Variants in MAD1L1 observed in about 807,000 individuals in gnomAD.
MAD1L1 encodes the protein mitotic spindle assembly checkpoint protein MAD1.
A neutral mutation model predicts 96.9 loss-of-function variants in MAD1L1; 95 were observed. That is an observed-to-expected ratio of 0.98 (90% confidence interval 0.83 to 1.16). MAD1L1 has a LOEUF of 1.16. MAD1L1 is among the 50% of genes most tolerant of loss of function. MAD1L1 has a pLI of 0.00. For synonymous variants in MAD1L1, 473 were observed against 396.6 expected, an observed-to-expected ratio of 1.19 and a Z score of -2.29; for missense variants, 1,007 against 954.4, an observed-to-expected ratio of 1.06 and a Z score of -0.73.
intron 11 of MAD1L1, 73 bp downstream of exon 11, chr7:2,149,079 C>T (rs558612576): frequency 4.4e-5 from 59 of 1,331,808 alleles, no homozygotes; most frequent in African/African-American, 1.4e-4. Context: ...AGCCAGGGGG[C>T]ACACACTCTC....
At chr7:1,856,779 G>A (rs963410815) in intron 18 of MAD1L1, among the ~76,000 whole-genome samples, 1 of 152,234 alleles carries the variant, frequency 6.6e-6, no homozygotes, top group Middle Eastern at 3.4e-3. Context: ...CGTTCCACAC[G>A]TAACCCAACC....
At chr7:1,940,759 T>C (rs1778915563) in intron 16 of MAD1L1, among the ~76,000 whole-genome samples, 1 of 152,186 alleles carries the variant, frequency 6.6e-6, no homozygotes, top group Non-Finnish European at 1.5e-5. Context: ...ATAACCCGCG[T>C]GTGTCCCAAA....
At chr7:1,885,503 G>A (rs964808291) in intron 18 of MAD1L1, among the ~76,000 whole-genome samples, 8 of 152,250 alleles carry the variant, frequency 5.3e-5, no homozygotes, top group East Asian at 1.9e-4. Flanking sequence ...GGGCCACAGG[G>A]GTGCGGTCGG....
intron 17 of MAD1L1, among the ~76,000 whole-genome samples, chr7:1,908,754 A>G (rs1039751259): frequency 6.6e-6 from 1 of 152,128 alleles, no homozygotes; most frequent in Non-Finnish European, 1.5e-5. Flanking sequence ...GTCTTCTACA[A>G]GTGACTGGTT....
intron 12 of MAD1L1, among the ~76,000 whole-genome samples, chr7:2,033,407 G>A (rs1783322150): frequency 6.6e-6 from 1 of 152,230 alleles, no homozygotes; most frequent in African/African-American, 2.4e-5. Context: ...AGCAGTGGAA[G>A]GAATGACAGA....
chr7:1,985,226 G>A (rs1157323516), intron 14 of MAD1L1, among the ~76,000 whole-genome samples: 1 of 152,234 alleles, frequency 6.6e-6, no homozygotes, highest in African/African-American at 2.4e-5. Context: ...CCAACCCCTT[G>A]AGGCCGGAAT....
At chr7:1,858,638 C>A (rs747489730) in intron 18 of MAD1L1, among the ~76,000 whole-genome samples, 10 of 152,210 alleles carry the variant, frequency 6.6e-5, no homozygotes, top group Non-Finnish European at 1.0e-4. Context: ...GTCAGACCCA[C>A]GCCACAGTGC....
intron 15 of MAD1L1, among the ~76,000 whole-genome samples, chr7:1,961,865 T>G (rs1286543167): frequency 6.7e-6 from 1 of 149,766 alleles, no homozygotes; most frequent in Admixed American, 6.6e-5. Flanking sequence ...ACCATTCTCG[T>G]GTGTTGTGGG....
chr7:1,907,373 T>A (rs549024537), intron 17 of MAD1L1, among the ~76,000 whole-genome samples: 121 of 152,360 alleles, frequency 7.9e-4, no homozygotes, highest in Middle Eastern at 3.4e-3. Flanking sequence ...CTTCAGGGAC[T>A]CACGGCACAG....
chr7:1,935,556 C>A (rs577689395), intron 17 of MAD1L1, among the ~76,000 whole-genome samples: 2 of 152,200 alleles, frequency 1.3e-5, no homozygotes, highest in South Asian at 4.1e-4. Context: ...GAAGACCCCA[C>A]CTAAGACCCT....
intron 14 of MAD1L1, among the ~76,000 whole-genome samples, chr7:1,999,961 G>A (rs973410640): frequency 6.6e-6 from 1 of 152,158 alleles, no homozygotes; most frequent in African/African-American, 2.4e-5. Context: ...AAGACTAGAT[G>A]CCAGGATGCT....
In MAD1L1 at chr7:2,103,762, C is replaced by T. The variant is rs564768687; in HGVS notation, c.1074-34424G>A. On this transcript the variant is annotated intron_variant, in intron 11 of 18. Coordinates refer to ENST00000265854, the MANE Select transcript of MAD1L1 (RefSeq NM_001013836.2). The surrounding 1 kb of genome is among the most constrained non-coding windows in gnomAD (Gnocchi z 4.3). ...CCAGATCCCAGCAGTGTGGCATAAG[C>T]AGACCCCCTGAACCACTGTGCACGG... Among the ~76,000 whole-genome samples, 36 of 152,302 alleles carry T rather than the reference C, an allele frequency of 2.4e-4. No homozygotes were observed. Among genetic ancestry groups the T allele is most frequent in the Admixed American group, 1.7e-3 (26 of 15,304 alleles).
intron 12 of MAD1L1, among the ~76,000 whole-genome samples, chr7:2,060,612 C>T (rs1185941133): frequency 6.6e-6 from 1 of 152,162 alleles, no homozygotes; most frequent in Non-Finnish European, 1.5e-5. Context: ...AGCATGGAAT[C>T]GTAAACAAAT....
At chr7:2,162,374 A>T (rs533734620) in intron 10 of MAD1L1, among the ~76,000 whole-genome samples, 3 of 152,302 alleles carry the variant, frequency 2.0e-5, no homozygotes, top group African/African-American at 7.2e-5. Flanking sequence ...TTTGTTAAAC[A>T]GATGCTTGAA....
chr7:1,816,298 C>G lies in MAD1L1; in HGVS notation c.1999-70G>C. ...AGGCCTCTCCCTCTCCCCTCCCTCCCTACACAGCCCCTCCAGCCATGGGGG... is the reference window on the plus strand; with the variant it reads ...AGGCCTCTCCCTCTCCCCTCCCTCCGTACACAGCCCCTCCAGCCATGGGGG... On this transcript the variant is annotated intron_variant, in intron 18 of 18. Coordinates refer to ENST00000265854, the MANE Select transcript of MAD1L1 (RefSeq NM_001013836.2). The G allele has an allele frequency of 5.4e-6, 8 of 1,470,464 alleles. No homozygotes were observed. The Admixed American group carries it at 7.1e-5, about 13-fold the overall frequency. 91.1% of individuals were successfully genotyped at this position (1,470,464 alleles called of 1,614,324 possible).
chr7:2,211,409 C>T (rs892278465), intron 10 of MAD1L1, among the ~76,000 whole-genome samples: 4 of 152,258 alleles, frequency 2.6e-5, no homozygotes, highest in African/African-American at 4.8e-5. Context: ...CAGCCAGAGA[C>T]AGCAGCCAGC....
At chr7:2,180,457 A>G (rs17790410) in intron 10 of MAD1L1, among the ~76,000 whole-genome samples, 22,107 of 152,294 alleles carry the variant, frequency 0.15, 1,832 homozygotes, top group Middle Eastern at 0.27. Flanking sequence ...GACAAGCATT[A>G]GAGGCAAACA....
At chr7:2,094,556 A>G (rs1477414936) in intron 11 of MAD1L1, among the ~76,000 whole-genome samples, 1 of 152,258 alleles carries the variant, frequency 6.6e-6, no homozygotes, top group Non-Finnish European at 1.5e-5. Context: ...AGGAGGTAAC[A>G]GTTGTGAAAG....
intron 17 of MAD1L1, among the ~76,000 whole-genome samples, chr7:1,908,472 C>G (rs925645653): frequency 3.3e-4 from 51 of 152,288 alleles, no homozygotes; most frequent in African/African-American, 9.4e-4. Flanking sequence ...GCCTCGAACT[C>G]CGGGGCTCAA....
Sources: gnomAD v4.1 joint callset for allele counts (sites outside exome capture counted in the v4.1 genomes callset) on GRCh38, gnomAD v4.1.1 for gene constraint, Gnocchi (gnomAD v3.1) non-coding constraint, MANE v1.5 for transcripts, NCBI Gene and HGNC (gene_info 2026-07-23, HGNC 2026-07-21) for gene names.